The following FAM168A variants were observed in gnomAD, a reference collection of about 807,000 sequenced individuals.
The protein encoded by FAM168A is family with sequence similarity 168 member A.
In FAM168A, 3 loss-of-function variants were observed where a neutral mutation model predicts 28.5. The ratio of observed to expected loss-of-function variants is 0.11; its 90% CI spans 0.05 to 0.27. FAM168A has a LOEUF of 0.27. FAM168A is among the 10% of genes least tolerant of loss of function. The pLI is 1.00. For synonymous variants in FAM168A, 122 were observed against 124.2 expected (o/e 0.98, Z 0.12); for missense variants, 222 against 311.5 (o/e 0.71, Z 2.16).
chr11:73,513,110 C>A (rs1479750444), intron 1 of FAM168A, among the ~76,000 whole-genome samples: 2 of 151,240 alleles, frequency 1.3e-5, no homozygotes, highest in East Asian at 1.9e-4. Context: ...TGTTTTCTCT[C>A]TTGTAGTTAG....
intron 4 of FAM168A, among the ~76,000 whole-genome samples, chr11:73,416,771 C>A (rs1866701047): frequency 6.6e-6 from 1 of 152,058 alleles, no homozygotes; most frequent in Non-Finnish European, 1.5e-5. Context: ...GTGGGAAAAC[C>A]CCATCTCTAC....
rs542760363 is a variant in FAM168A, at chr11:73,472,012, A to G, written c.-18-3520T>C. 2.0e-5 allele frequency among the ~76,000 whole-genome samples: 3 copies of G among 152,226 alleles called. No individual in the cohort carries two copies. The East Asian group carries it at 5.8e-4, about 30-fold the overall frequency. On this transcript the variant is annotated intron_variant, in intron 1 of 7. Coordinates refer to ENST00000356467, the MANE Select transcript of FAM168A (RefSeq NM_015159.3). The stretch of plus-strand genomic sequence containing the variant: ...TCCTGTCAGATCCGAGGAGGCGTTA[A>G]ATTTTCATAGGAGTGTGAACCCTAT...
chr11:73,434,801 G>C (rs1162413811), intron 2 of FAM168A, among the ~76,000 whole-genome samples: 1 of 152,202 alleles, frequency 6.6e-6, no homozygotes, highest in Non-Finnish European at 1.5e-5. Flanking sequence ...CAGACTATAA[G>C]CGGGTAGAGA....
intron 1 of FAM168A, among the ~76,000 whole-genome samples, chr11:73,578,397 T>C (rs947665324): frequency 1.3e-5 from 2 of 152,222 alleles, no homozygotes; most frequent in East Asian, 1.9e-4. Context: ...TGTATATGTA[T>C]GTCAAAACTT....
intron 3 of FAM168A, among the ~76,000 whole-genome samples, chr11:73,425,481 G>A (rs1866871307): frequency 6.6e-6 from 1 of 152,210 alleles, no homozygotes. Context: ...TAAGAGATAG[G>A]ACCAGTGCAG....
intron 2 of FAM168A, among the ~76,000 whole-genome samples, chr11:73,465,331 T>C (rs1867718006): frequency 6.6e-6 from 1 of 151,320 alleles, no homozygotes; most frequent in Non-Finnish European, 1.5e-5. Context: ...GTTGAGGTCT[T>C]GACTACACTC....
At chr11:73,584,014 AT>A (rs1358773418) in intron 1 of FAM168A, among the ~76,000 whole-genome samples, 2 of 152,186 alleles carry the variant, frequency 1.3e-5, no homozygotes, top group African/African-American at 4.8e-5. Context: ...TTTTCCCTTC[AT>A]AATTATACAG....
At chr11:73,460,468 G>C (rs1867625168) in intron 2 of FAM168A, among the ~76,000 whole-genome samples, 1 of 147,094 alleles carries the variant, frequency 6.8e-6, no homozygotes, top group Non-Finnish European at 1.5e-5. Context: ...GGGATATAAT[G>C]ATGATGAATA....
intron 1 of FAM168A, among the ~76,000 whole-genome samples, chr11:73,566,228 T>C (rs1252486161): frequency 3.3e-5 from 5 of 152,246 alleles, no homozygotes; most frequent in Non-Finnish European, 7.3e-5. Context: ...TTCCCTAAAT[T>C]GTGTCTATTG....
intron 1 of FAM168A, among the ~76,000 whole-genome samples, chr11:73,541,498 G>A (rs1029934580): frequency 3.3e-5 from 5 of 151,064 alleles, no homozygotes; most frequent in Admixed American, 6.6e-5. Context: ...TCAGCCTCCC[G>A]AGCAGCTGGG....
intron 3 of FAM168A, among the ~76,000 whole-genome samples, chr11:73,421,564 T>A (rs57717477): frequency 6.8e-4 from 104 of 152,216 alleles, no homozygotes; most frequent in African/African-American, 2.5e-3. Context: ...CTGCAGACAA[T>A]GCAGGAGGAG....
intron 1 of FAM168A, among the ~76,000 whole-genome samples, chr11:73,521,847 G>C (rs1183844153): frequency 6.6e-6 from 1 of 152,046 alleles, no homozygotes; most frequent in East Asian, 1.9e-4. Context: ...TCCTCACTGA[G>C]AATAAAACTG....
intron 1 of FAM168A, among the ~76,000 whole-genome samples, chr11:73,582,614 T>C (rs1314095055): frequency 1.3e-5 from 2 of 152,200 alleles, no homozygotes; most frequent in Non-Finnish European, 2.9e-5. Context: ...AAGTCTTATA[T>C]TTCAGTTGTA....
Position 73,404,350 on chromosome 11 carries a change from T to G in FAM168A, c.*2413A>C, listed in dbSNP as rs541611152. 18 of 152,320 alleles carry G rather than the reference T, an allele frequency of 1.2e-4. No individual in the cohort carries two copies. Among genetic ancestry groups the G allele is most frequent in the Admixed American group, 9.8e-4 (15 of 15,306 alleles). The allele number at this position is 152,320 out of a possible 1,614,324, so 9.4% of individuals were successfully genotyped here. On this transcript the variant is annotated 3_prime_UTR_variant, in exon 8 of 8. Coordinates refer to ENST00000356467, the MANE Select transcript of FAM168A (RefSeq NM_015159.3). Reference sequence around the variant, plus strand: ...TCATTTGTCAATTGACTGTAATAACTCTAACCCTGTCCCTCTCAGGGCGAG... The same window carrying G: ...TCATTTGTCAATTGACTGTAATAACGCTAACCCTGTCCCTCTCAGGGCGAG...
At chr11:73,411,302 C>T (rs1866605811) in intron 5 of FAM168A, 92 bp downstream of exon 5, 1 of 1,414,758 alleles carries the variant, frequency 7.1e-7, no homozygotes, top group African/African-American at 1.4e-5. Context: ...ACCATCCTCT[C>T]CTTCCCTCAC....
At chr11:73,437,909 C>G (rs1306064326) in intron 2 of FAM168A, among the ~76,000 whole-genome samples, 1 of 152,186 alleles carries the variant, frequency 6.6e-6, no homozygotes, top group East Asian at 1.9e-4. Flanking sequence ...TTCCCTCATC[C>G]TGACTGCTCA....
intron 1 of FAM168A, among the ~76,000 whole-genome samples, chr11:73,542,229 G>C (rs1031983469): frequency 1.3e-5 from 2 of 152,170 alleles, no homozygotes; most frequent in Non-Finnish European, 2.9e-5. Flanking sequence ...TTTCAGACTT[G>C]TATATCCAAC....
intron 3 of FAM168A, among the ~76,000 whole-genome samples, chr11:73,421,248 C>T (rs1487494508): frequency 2.0e-5 from 3 of 152,188 alleles, no homozygotes; most frequent in South Asian, 2.1e-4. Context: ...AGAGAGATCC[C>T]GTAACCCCCT....
intron 1 of FAM168A, among the ~76,000 whole-genome samples, chr11:73,596,149 T>C (rs183637352): frequency 6.6e-6 from 1 of 152,350 alleles, no homozygotes. Context: ...GCTTGTTACC[T>C]ACCTACAAAA....
Sources: allele counts gnomAD v4.1 joint callset (sites outside exome capture counted in the v4.1 genomes callset), GRCh38; gene constraint gnomAD v4.1.1; transcripts MANE v1.5; gene names NCBI Gene and HGNC (gene_info 2026-07-23, HGNC 2026-07-21).